The following TMTC3 variants were observed in gnomAD, a reference collection of about 807,000 sequenced individuals.
TMTC3 encodes transmembrane O-mannosyltransferase targeting cadherins 3.
TMTC3 carries 52 observed loss-of-function variants against 92.2 expected under a neutral mutation model. The ratio of observed to expected loss-of-function variants is 0.56; its 90% CI spans 0.45 to 0.71. TMTC3 has a LOEUF of 0.71. Ranked by LOEUF, TMTC3 falls within the 30% of genes least tolerant of loss-of-function variation. The pLI is 0.00. For missense variants in TMTC3, 896 were observed against 1,057.1 expected (o/e 0.85, Z 2.11); for synonymous variants, 339 against 363.3 (o/e 0.93, Z 0.76).
Position 88,172,975 on chromosome 12 carries a change from G to A in TMTC3, c.1199+230G>A, listed in dbSNP as rs1451653886. On this transcript the variant is annotated intron_variant, in intron 8 of 13. Coordinates refer to ENST00000266712, the MANE Select transcript of TMTC3 (RefSeq NM_181783.4). ...TAATTTGATTTTACAGCCTGAGACA[G>A]AACAAACTTTGAGTCAGATCCAAAT... The A allele has an allele frequency of 2.8e-6, 4 of 1,427,696 alleles. No individual in the cohort carries two copies. The African/African-American group carries it at 5.7e-5, about 20-fold the overall frequency. The allele number at this position is 1,427,696 out of a possible 1,614,324, so 88.4% of individuals were successfully genotyped here.
chr12:88,180,558 A>G (rs980073476), intron 10 of TMTC3, among the ~76,000 whole-genome samples: 1 of 152,242 alleles, frequency 6.6e-6, no homozygotes, highest in East Asian at 1.9e-4. Flanking sequence ...GTCTGTGTCC[A>G]GAACAGGATT....
At chr12:88,183,501 A>G (rs2041341610) in intron 10 of TMTC3, among the ~76,000 whole-genome samples, 1 of 152,158 alleles carries the variant, frequency 6.6e-6, no homozygotes. Flanking sequence ...GAGGGGCCTC[A>G]GGCAAAACCT....
intron 4 of TMTC3, among the ~76,000 whole-genome samples, chr12:88,159,672 A>G (rs546823137): frequency 1.8e-4 from 28 of 152,210 alleles, no homozygotes; most frequent in African/African-American, 6.7e-4. Flanking sequence ...TAAAAAAAAA[A>G]AAAAAGTATA....
chr12:88,194,835 T>C lies in TMTC3; in HGVS notation c.1934-3T>C, dbSNP rs748863814. ...ATATTTTTTCTTTAAAAAAACTTTCTAGGTGAGGTTAAACTCAGACCTGAA... is the reference window on the plus strand; with the variant it reads ...ATATTTTTTCTTTAAAAAAACTTTCCAGGTGAGGTTAAACTCAGACCTGAA... On this transcript the variant is annotated splice_polypyrimidine_tract_variant and splice_region_variant and intron_variant, in intron 13 of 13. Transcript: ENST00000266712. 3 of 1,515,626 alleles carry C rather than the reference T, an allele frequency of 2.0e-6. No individual in the cohort carries two copies. Among genetic ancestry groups the C allele is most frequent in the Middle Eastern group, 1.8e-4 (1 of 5,660 alleles). 93.9% of individuals were successfully genotyped at this position (1,515,626 alleles called of 1,614,324 possible). A position where few individuals can be genotyped will look rare whatever the true frequency, so the allele number is the denominator to read the frequency against.
chr12:88,160,636 T>G (rs1308286352), intron 5 of TMTC3, 43 bp from the exon 6 acceptor site: 2 of 1,542,976 alleles, frequency 1.3e-6, no homozygotes, highest in Non-Finnish European at 1.8e-6. Flanking sequence ...AACATTGAGA[T>G]ATGTCGTTAT....
Position 88,198,836 on chromosome 12 carries a change from T to C in TMTC3, c.*3187T>C, listed in dbSNP as rs1051813985. The C allele has an allele frequency of 6.5e-6, 1 of 153,900 alleles. No individual in the cohort carries two copies. Among genetic ancestry groups the C allele is most frequent in the African/African-American group, 2.4e-5 (1 of 41,554 alleles). The allele number at this position is 153,900 out of a possible 1,614,324, so 9.5% of individuals were successfully genotyped here. On this transcript the variant is annotated 3_prime_UTR_variant, in exon 14 of 14. Coordinates refer to ENST00000266712, the MANE Select transcript of TMTC3 (RefSeq NM_181783.4). Reference sequence around the variant, plus strand: ...TTTAGAAACCTCCTAATTGGATAACTAGATGGTATTTAAAATGAATGCCCA... The same window carrying C: ...TTTAGAAACCTCCTAATTGGATAACCAGATGGTATTTAAAATGAATGCCCA...
chr12:88,160,210 A>G lies in TMTC3; in HGVS notation c.605A>G (p.Glu202Gly). The G allele has an allele frequency of 6.4e-7, 1 of 1,567,626 alleles. No individual in the cohort carries two copies. Among genetic ancestry groups the G allele is most frequent in the Non-Finnish European group, 8.6e-7 (1 of 1,160,908 alleles). Residue 202 changes from glutamate (E) to glycine (G), a missense_variant, in exon 5 of 14, where the codon GAA becomes GGA. Physicochemically the swap from Glu to Gly is moderately conservative, Grantham distance 98. Coordinates refer to ENST00000266712, the MANE Select transcript of TMTC3 (RefSeq NM_181783.4). The stretch of plus-strand genomic sequence containing the variant: ...GTTGTAGGAATTTGCTGTGTGTATG[A>G]AGTGTTTATTGCCCAGGGGGTAAGC... ...ITVVGICCVY[E>G]VFIAQGYTLP...
chr12:88,198,533 T>C lies in TMTC3; in HGVS notation c.*2884T>C, dbSNP rs2041541621. ...TAACATTCAGAATTGGGAATATTAATTTTTCCAGTGAGTAGTTTTCTGAAA... is the reference window on the plus strand; with the variant it reads ...TAACATTCAGAATTGGGAATATTAACTTTTCCAGTGAGTAGTTTTCTGAAA... On this transcript the variant is annotated 3_prime_UTR_variant, in exon 14 of 14. Coordinates refer to ENST00000266712, the MANE Select transcript of TMTC3 (RefSeq NM_181783.4). The C allele has an allele frequency of 2.5e-6, 1 of 396,538 alleles. No homozygotes were observed. The highest frequency in any genetic ancestry group is 4.4e-6 in the Non-Finnish European group (1 of 224,810). 24.6% of individuals were successfully genotyped at this position (396,538 alleles called of 1,614,324 possible).
At chr12:88,173,201 A>C in intron 8 of TMTC3, 14 of 743,150 alleles carry the variant, frequency 1.9e-5, no homozygotes, top group Non-Finnish European at 2.6e-5. Flanking sequence ...CCTCAAACTA[A>C]CAGTTAAGGA....
Position 88,153,438 on chromosome 12 carries a change from CTT to C in TMTC3, c.341_342del (p.Phe114SerfsTer6). 6.2e-7 allele frequency: 1 copy of C among 1,613,608 alleles called. No homozygotes were observed. Among genetic ancestry groups the C allele is most frequent in the Non-Finnish European group, 8.5e-7 (1 of 1,179,752 alleles). ...TGTGATATTTCTCAAAGTATGCAAACTTTTTCTGGACAACAAGAGTAGTGTGA... is the reference window on the plus strand; with the variant it reads ...TGTGATATTTCTCAAAGTATGCAAACTTTCTGGACAACAAGAGTAGTGTGA... ...VSVIFLKVCK[L>X]FLDNKSSVIA... On this transcript the variant is annotated frameshift_variant, in exon 3 of 14. Transcript: ENST00000266712. LOFTEE classifies it high-confidence loss of function.
At chr12:88,179,386 A>G (rs1254656039) in intron 10 of TMTC3, among the ~76,000 whole-genome samples, 1 of 152,232 alleles carries the variant, frequency 6.6e-6, no homozygotes, top group Non-Finnish European at 1.5e-5. Flanking sequence ...TCTCAAATTT[A>G]GTTCAATCAC....
chr12:88,150,393 A>G (rs545757713), intron 2 of TMTC3, among the ~76,000 whole-genome samples: 2 of 152,242 alleles, frequency 1.3e-5, no homozygotes, highest in South Asian at 2.1e-4. Context: ...CCCACTTCCA[A>G]TATTGGGGAT....
In TMTC3 at chr12:88,160,096, T is replaced by C. The variant is rs970560852; in HGVS notation, c.509-18T>C. Reference sequence around the variant, plus strand: ...AATTGTTTTCTGAATTTTTATATTTTCTGTTCTCAAATTGCAGTATGGACT... The same window carrying C: ...AATTGTTTTCTGAATTTTTATATTTCCTGTTCTCAAATTGCAGTATGGACT... On this transcript the variant is annotated intron_variant, in intron 4 of 13. Transcript: ENST00000266712. 2.7e-6 allele frequency: 4 copies of C among 1,486,454 alleles called. No individual in the cohort carries two copies. The highest frequency in any genetic ancestry group is 3.7e-6 in the Non-Finnish European group (4 of 1,093,794). The allele number at this position is 1,486,454 out of a possible 1,614,324, so 92.1% of individuals were successfully genotyped here.
chr12:88,194,856 C>T lies in TMTC3; in HGVS notation c.1952C>T (p.Pro651Leu), dbSNP rs2041489928. ...MQESGEVKLR[P>L]EARKRLLSYI... ...TTTCTAGGTGAGGTTAAACTCAGAC[C>T]TGAAGCTAGAAAACGACTTCTAAGT... is the stretch of plus-strand genomic sequence containing the variant. Residue 651 changes from proline (P) to leucine (L), a missense_variant, in exon 14 of 14, where the codon CCT (proline) becomes CTT (leucine). Pro to Leu is a moderately conservative substitution (Grantham distance 98). Transcript: ENST00000266712. The T allele has an allele frequency of 6.3e-7, 1 of 1,592,516 alleles. No individual in the cohort carries two copies. Among genetic ancestry groups the T allele is most frequent in the Non-Finnish European group, 8.5e-7 (1 of 1,170,598 alleles).
chr12:88,146,495 A>G (rs1319428900), intron 1 of TMTC3, among the ~76,000 whole-genome samples: 1 of 151,850 alleles, frequency 6.6e-6, no homozygotes, highest in Non-Finnish European at 1.5e-5. Context: ...CTACCCTTTA[A>G]AAGCCATCCA....
chr12:88,169,211 A>G (rs1406928484), intron 7 of TMTC3, among the ~76,000 whole-genome samples: 2 of 152,208 alleles, frequency 1.3e-5, no homozygotes, highest in Non-Finnish European at 2.9e-5. Flanking sequence ...CTTGGTGCTC[A>G]TGCTTTTATG....
intron 11 of TMTC3, 103 bp from the exon 12 acceptor site, chr12:88,190,350 T>C (rs915632341): frequency 1.9e-5 from 19 of 1,013,842 alleles, no homozygotes; most frequent in Non-Finnish European, 2.5e-5. Flanking sequence ...GTGTATTTTT[T>C]ACAGTATGTT....
chr12:88,186,477 A>G (rs1019580643), intron 10 of TMTC3, among the ~76,000 whole-genome samples: 2 of 152,176 alleles, frequency 1.3e-5, no homozygotes, highest in African/African-American at 4.8e-5. Context: ...ATAGAAACCT[A>G]GTATTGACAA....
rs2041065960 is a variant in TMTC3 at position 88,160,674 on chromosome 12, T to C, written c.625-5T>C. ...GTTGCTTAAAACATTTCTTTTCTTT[T>C]TCAGTATACTTTGCCATTACTATGT... On this transcript the variant is annotated splice_polypyrimidine_tract_variant and splice_region_variant and intron_variant, in intron 5 of 13. Coordinates refer to ENST00000266712, the MANE Select transcript of TMTC3 (RefSeq NM_181783.4). 5 of 1,611,202 alleles carry C rather than the reference T, an allele frequency of 3.1e-6. No individual in the cohort carries two copies. The East Asian group carries it at 1.1e-4, about 36-fold the overall frequency.
Sources: gnomAD v4.1 joint callset for allele counts (sites outside exome capture counted in the v4.1 genomes callset) on GRCh38, gnomAD v4.1.1 for gene constraint, MANE v1.5 for transcripts, NCBI Gene and HGNC (gene_info 2026-07-23, HGNC 2026-07-21) for gene names.